ABHD2: variants seen among roughly 807,000 people sequenced by gnomAD.
ABHD2 encodes abhydrolase domain containing 2, acylglycerol lipase.
In ABHD2, 20 loss-of-function variants were observed where a neutral mutation model predicts 48.1. The ratio of observed to expected loss-of-function variants is 0.42; its 90% CI spans 0.29 to 0.60. The LOEUF is 0.60. Ranked by LOEUF, ABHD2 falls within the 20% of genes least tolerant of loss-of-function variation. The pLI, the probability that ABHD2 is intolerant of heterozygous loss-of-function variation, is 0.24. For missense variants in ABHD2, 405 were observed against 550.9 expected (o/e 0.74, Z 2.65); for synonymous variants, 209 against 214.2 (o/e 0.98, Z 0.21).
the ABHD2 span, among the ~76,000 whole-genome samples, chr15:89,081,192 T>A: frequency 1.2e-4 from 17 of 137,078 alleles, no homozygotes; most frequent in African/African-American, 4.5e-4. Context: ...TTTTTTTTTT[T>A]ACTTTTTTGT....
At chr15:89,160,648 C>T (rs2050748398) in intron 5 of ABHD2, among the ~76,000 whole-genome samples, 1 of 152,186 alleles carries the variant, frequency 6.6e-6, no homozygotes, top group Non-Finnish European at 1.5e-5. Flanking sequence ...TACTATCCAT[C>T]CATTATGGCT....
chr15:89,050,387 A>G, the ABHD2 span, among the ~76,000 whole-genome samples: 6 of 152,182 alleles, frequency 3.9e-5, no homozygotes, highest in African/African-American at 1.4e-4. Context: ...CACACAGCCT[A>G]AGATTCCAGA....
intron 9 of ABHD2, among the ~76,000 whole-genome samples, chr15:89,192,906 G>A (rs757121971): frequency 1.1e-4 from 17 of 152,228 alleles, no homozygotes; most frequent in Admixed American, 2.6e-4. Flanking sequence ...TTCATTTTCC[G>A]CTCCCATGAT....
intron 1 of ABHD2, among the ~76,000 whole-genome samples, chr15:89,099,729 G>T (rs1328797340): frequency 6.6e-6 from 1 of 151,688 alleles, no homozygotes; most frequent in Non-Finnish European, 1.5e-5. Flanking sequence ...AGACCATCCT[G>T]GCCAACATGG....
At chr15:89,126,116 C>T (rs1596088384) in intron 3 of ABHD2, among the ~76,000 whole-genome samples, 1 of 152,170 alleles carries the variant, frequency 6.6e-6, no homozygotes, top group East Asian at 1.9e-4. Context: ...CAGGGCCCTA[C>T]TATGTCTCCA....
intron 3 of ABHD2, among the ~76,000 whole-genome samples, chr15:89,123,603 T>C (rs2050086868): frequency 7.0e-6 from 1 of 141,962 alleles, no homozygotes; most frequent in Admixed American, 7.0e-5. Flanking sequence ...CTTTTTTTTT[T>C]TTTTTTTTTT....
In ABHD2 at chr15:89,176,131, C is replaced by CAGA; in HGVS notation, c.722+137_722+138insGAA. 3 of 961,330 alleles carry CAGA rather than the reference C, an allele frequency of 3.1e-6. No homozygotes were observed. The highest frequency in any genetic ancestry group is 4.5e-6 in the Non-Finnish European group (3 of 668,216). 59.6% of individuals were successfully genotyped at this position (961,330 alleles called of 1,614,324 possible). ...AGTAGAAGTTTCTGAGTCTTGGACT[C>CAGA]ACCTTGTTTTGTCTGCATATCATAC... On this transcript the variant is annotated intron_variant, in intron 6 of 10. Transcript: ENST00000352732. The surrounding 1 kb of genome is among the most constrained non-coding windows in gnomAD (Gnocchi z 4.5).
intron 10 of ABHD2, 159 bp downstream of exon 10, chr15:89,193,478 G>C: frequency 1.6e-6 from 1 of 643,910 alleles, no homozygotes; most frequent in Non-Finnish European, 2.8e-6. Flanking sequence ...GATAGTCCTC[G>C]GGCTGTGATG....
chr15:89,077,715 G>C, the ABHD2 span, among the ~76,000 whole-genome samples: 1 of 152,290 alleles, frequency 6.6e-6, no homozygotes, highest in Admixed American at 6.5e-5. Flanking sequence ...AATGTTAGCT[G>C]TCAACCCTTC....
the ABHD2 span, among the ~76,000 whole-genome samples, chr15:89,059,821 G>A: frequency 2.6e-5 from 4 of 152,078 alleles, no homozygotes; most frequent in East Asian, 1.9e-4. Flanking sequence ...TTGCAGAGCC[G>A]CAGTTCCTTC....
intron 1 of ABHD2, among the ~76,000 whole-genome samples, chr15:89,108,356 C>A (rs1351001806): frequency 6.6e-6 from 1 of 152,230 alleles, no homozygotes; most frequent in Non-Finnish European, 1.5e-5. Flanking sequence ...CTTCCATCTT[C>A]ACGTGGCCTC....
the ABHD2 span, among the ~76,000 whole-genome samples, chr15:89,077,002 G>T: frequency 1.3e-5 from 2 of 151,986 alleles, no homozygotes; most frequent in East Asian, 3.9e-4. Context: ...TTGTTTTTTA[G>T]TACTTTTTGT....
chr15:89,070,347 C>T, the ABHD2 span, among the ~76,000 whole-genome samples: 1 of 152,198 alleles, frequency 6.6e-6, no homozygotes, highest in Admixed American at 6.5e-5. Flanking sequence ...AAGGAACACT[C>T]CTAGAGGGGC....
Position 89,114,486 on chromosome 15 carries a change from T to C in ABHD2, c.-7+662T>C, listed in dbSNP as rs2049924838. Among the ~76,000 whole-genome samples the C allele has an allele frequency of 6.6e-6, 1 of 152,102 alleles. No homozygotes were observed. Among genetic ancestry groups the C allele is most frequent in the Non-Finnish European group, 1.5e-5 (1 of 68,016 alleles). ...GTTAAGTTTTTTTTGTTTTGTTTTT[T>C]GTTTTTGTTTTTTTGAGACGGCGTT... On this transcript the variant is annotated intron_variant, in intron 2 of 10. Transcript: ENST00000352732. The surrounding 1 kb of genome is among the most constrained non-coding windows in gnomAD (Gnocchi z 4.2).
chr15:89,049,458 C>T, the ABHD2 span, among the ~76,000 whole-genome samples: 87 of 152,364 alleles, frequency 5.7e-4, no homozygotes, highest in Non-Finnish European at 1.0e-3. Flanking sequence ...CTAAGGAAGC[C>T]TGGGCAATGG....
intron 5 of ABHD2, among the ~76,000 whole-genome samples, chr15:89,170,119 C>CG (rs1041057540): frequency 1.8e-5 from 1 of 54,898 alleles, no homozygotes; most frequent in Non-Finnish European, 3.2e-5. Flanking sequence ...TTTTTGGAGA[C>CG]GGGGTCTCAC....
intron 5 of ABHD2, among the ~76,000 whole-genome samples, chr15:89,162,424 C>T (rs1416835760): frequency 6.6e-6 from 1 of 152,146 alleles, no homozygotes; most frequent in East Asian, 1.9e-4. Context: ...AAGCCTCTTC[C>T]AGGTGGGGTC....
the ABHD2 span, among the ~76,000 whole-genome samples, chr15:89,055,231 A>C: frequency 4.6e-5 from 7 of 152,070 alleles, no homozygotes; most frequent in Middle Eastern, 3.4e-3. Flanking sequence ...TATTGTTGGT[A>C]ATTTAGTTTG....
rs533043054 is a variant in ABHD2, at chr15:89,202,240, C to T, written c.*6817C>T. On this transcript the variant is annotated 3_prime_UTR_variant, in exon 11 of 11. Transcript: ENST00000352732. ...TTGATCATTTTATGTTCTCATATTA[C>T]TTTTGATTCTACTATGATTGTGTGG... 1 of 155,612 alleles carries T rather than the reference C, an allele frequency of 6.4e-6. No homozygotes were observed. The highest frequency in any genetic ancestry group is 2.4e-5 in the African/African-American group (1 of 41,428). The allele number at this position is 155,612 out of a possible 1,614,324, so 9.6% of individuals were successfully genotyped here. A position where few individuals can be genotyped will look rare whatever the true frequency, so the allele number is the denominator to read the frequency against.
Sources: gnomAD v4.1 joint callset for allele counts (sites outside exome capture counted in the v4.1 genomes callset) on GRCh38, gnomAD v4.1.1 for gene constraint, Gnocchi (gnomAD v3.1) non-coding constraint, MANE v1.5 for transcripts, NCBI Gene and HGNC (gene_info 2026-07-23, HGNC 2026-07-21) for gene names.